KMT2C: variants seen among roughly 807,000 people sequenced by gnomAD.
KMT2C encodes the protein histone-lysine N-methyltransferase 2C.
Under a neutral mutation model 507.9 loss-of-function variants are expected in KMT2C, and 88 were observed. That is an observed-to-expected ratio of 0.17 (90% CI 0.15 to 0.21). The LOEUF is 0.21. Among genes scored for constraint, KMT2C ranks in the 10% least tolerant of loss-of-function variants. KMT2C has a pLI of 1.00. For missense variants in KMT2C, 4,954 were observed against 5,957.8 expected (o/e 0.83, Z 5.55); for synonymous variants, 2,049 against 2,080.8 (o/e 0.98, Z 0.42).
rs2129115053 is a variant in KMT2C, at chr7:152,177,592, C to G, written c.7861G>C (p.Val2621Leu). 1 of 1,614,102 alleles carries G rather than the reference C, an allele frequency of 6.2e-7. No homozygotes were observed. Among genetic ancestry groups the G allele is most frequent in the Middle Eastern group, 1.7e-4 (1 of 6,060 alleles). ...PPQGLPNQLP[V>L]HPDLEQVPPS... ...GGCACTTGTTCCAAATCTGGGTGCA[C>G]AGGTAGCTGATTAGGTAGACCCTGG... The change falls in exon 38 of 59, where the codon GTG becomes CTG. Residue 2621 changes from valine (V) to leucine (L), a missense_variant. Val to Leu is a conservative substitution (Grantham distance 32). Transcript: ENST00000262189.
Position 152,176,406 on chromosome 7 carries a change from T to G in KMT2C, c.9047A>C (p.Gln3016Pro). 6.2e-7 allele frequency: 1 copy of G among 1,614,182 alleles called. No individual in the cohort carries two copies. Among genetic ancestry groups the G allele is most frequent in the Non-Finnish European group, 8.5e-7 (1 of 1,180,024 alleles). Reference sequence around the variant, plus strand: ...GCTACTGGTACCAGACTGACTTGTTTGAGGCCCAGTTTGAGTTGCAGGTTT... The same window carrying G: ...GCTACTGGTACCAGACTGACTTGTTGGAGGCCCAGTTTGAGTTGCAGGTTT... ...TGKPATQTGPQTSQSGTSSMS... is the reference protein window; with the variant it reads ...TGKPATQTGPPTSQSGTSSMS... Residue 3016 changes from glutamine (Q) to proline (P), a missense_variant, in exon 38 of 59, where the codon CAA (glutamine) becomes CCA (proline). Gln to Pro is a moderately conservative substitution (Grantham distance 76). Coordinates refer to ENST00000262189, the MANE Select transcript of KMT2C (RefSeq NM_170606.3).
intron 40 of KMT2C, 130 bp downstream of exon 40, chr7:152,171,134 T>A: frequency 2.0e-6 from 1 of 496,214 alleles, no homozygotes; most frequent in East Asian, 3.5e-5. Context: ...AAATGGCATA[T>A]GGTGAAATCC....
chr7:152,145,057 C>A (rs774184063), intron 54 of KMT2C, 96 bp downstream of exon 54: 297 of 1,478,664 alleles, frequency 2.0e-4, no homozygotes, highest in Non-Finnish European at 2.4e-4. Context: ...CACAGCCAGA[C>A]AGCAGGGTTT....
chr7:152,323,515 C>T (rs2096790345), intron 3 of KMT2C, among the ~76,000 whole-genome samples: 2 of 151,196 alleles, frequency 1.3e-5, no homozygotes, highest in South Asian at 4.2e-4. Flanking sequence ...GAGCACACAA[C>T]TGTAGTCCCA....
intron 1 of KMT2C, among the ~76,000 whole-genome samples, chr7:152,378,143 T>C (rs930556900): frequency 6.6e-6 from 1 of 152,240 alleles, no homozygotes; most frequent in Non-Finnish European, 1.5e-5. Flanking sequence ...AACAAAGGAT[T>C]CAGAATACTA....
chr7:152,305,439 G>T (rs1040249661), intron 6 of KMT2C, among the ~76,000 whole-genome samples: 4 of 152,180 alleles, frequency 2.6e-5, no homozygotes, highest in Non-Finnish European at 5.9e-5. Flanking sequence ...TAAGACCAAT[G>T]AGGTCAGCAT....
intron 2 of KMT2C, among the ~76,000 whole-genome samples, chr7:152,347,751 T>A (rs572935761): frequency 1.3e-5 from 2 of 152,234 alleles, no homozygotes; most frequent in Non-Finnish European, 2.9e-5. Flanking sequence ...TAGTAAACAA[T>A]AAAACAGACA....
At chr7:152,220,255 T>C (rs1166179995) in intron 23 of KMT2C, 5 of 444,230 alleles carry the variant, frequency 1.1e-5, no homozygotes, top group Non-Finnish European at 1.6e-5. Context: ...TCAAGCCCTC[T>C]GTAGTTCCCC....
Position 152,358,593 on chromosome 7 carries a change from C to G in KMT2C, c.244G>C (p.Glu82Gln), listed in dbSNP as rs2097171186. ...LETTETETIVETEIKEQSAEE... is the reference protein window; with the variant it reads ...LETTETETIVQTEIKEQSAEE... ...AATTCTTGAGTTCTGATACCTGTTT[C>G]CACAATCGTTTCTGTTTCTGTTGTC... is the stretch of plus-strand genomic sequence containing the variant. The change falls in exon 2 of 59, where the codon GAA becomes CAA. Residue 82 changes from glutamate (E) to glutamine (Q), a missense_variant. Glu to Gln is a conservative substitution (Grantham distance 29, BLOSUM62 2). Coordinates refer to ENST00000262189, the MANE Select transcript of KMT2C (RefSeq NM_170606.3). The G allele has an allele frequency of 6.2e-7, 1 of 1,602,054 alleles. No individual in the cohort carries two copies.
chr7:152,367,078 G>C lies in KMT2C; in HGVS notation c.162-8403C>G, dbSNP rs906158408. On this transcript the variant is annotated intron_variant, in intron 1 of 58. Transcript: ENST00000262189. Reference sequence around the variant, plus strand: ...TGAAGAAATCTGTAGTCAGAACTCTGTGCTGCATTTTTATCCAGAGAAGGA... The same window carrying C: ...TGAAGAAATCTGTAGTCAGAACTCTCTGCTGCATTTTTATCCAGAGAAGGA... 9.4e-6 allele frequency: 7 copies of C among 744,558 alleles called. No individual in the cohort carries two copies. In the African/African-American group the frequency reaches 1.1e-4, roughly 11 times the overall value. The allele number at this position is 744,558 out of a possible 1,614,324, so 46.1% of individuals were successfully genotyped here. A position where few individuals can be genotyped will look rare whatever the true frequency, so the allele number is the denominator to read the frequency against.
intron 18 of KMT2C, 102 bp from the exon 19 acceptor site, chr7:152,224,718 A>G (rs2094875656): frequency 1.2e-6 from 1 of 845,822 alleles, no homozygotes; most frequent in African/African-American, 1.7e-5. Flanking sequence ...GAAGCAGAAA[A>G]GAGGCAATCA....
At chr7:152,368,167 G>C in intron 1 of KMT2C, 1 of 915,298 alleles carries the variant, frequency 1.1e-6, no homozygotes, top group South Asian at 1.3e-5. Flanking sequence ...GGGTGCTGCT[G>C]AAGTTGAAAA....
chr7:152,327,818 C>G (rs1434806056), intron 3 of KMT2C, among the ~76,000 whole-genome samples: 1 of 151,674 alleles, frequency 6.6e-6, no homozygotes, highest in South Asian at 2.1e-4. Context: ...ATTAGCCGGG[C>G]GTGGTGGCGG....
chr7:152,226,019 G>A (rs1175701864), intron 18 of KMT2C, among the ~76,000 whole-genome samples: 1 of 151,956 alleles, frequency 6.6e-6, no homozygotes, highest in Non-Finnish European at 1.5e-5. Flanking sequence ...GAAGGATGGA[G>A]GTGTATTTTA....
Position 152,146,599 on chromosome 7 carries a change from T to C in KMT2C, c.14031A>G (p.Ser4677=), listed in dbSNP as rs759933314. The C allele has an allele frequency of 1.2e-6, 2 of 1,614,148 alleles. No individual in the cohort carries two copies. The highest frequency in any genetic ancestry group is 2.7e-5 in the African/African-American group (2 of 75,054). ...CTCAAAGCCTGACCAAGACACTCAC[T>C]GATTCCGCTATGCGTGCCACTGCAG... The part of the protein sequence containing the change: ...TVSAVARIAE[S]LPGVEACENY... Residue 4677 remains serine, a splice_region_variant and synonymous_variant, in exon 53 of 59, where the codon TCA becomes TCG. Transcript: ENST00000262189.
rs2095509544 is a variant in KMT2C, at chr7:152,248,308, A to G, written c.2126T>C (p.Leu709Ser). 2 of 1,613,854 alleles carry G rather than the reference A, an allele frequency of 1.2e-6. No individual in the cohort carries two copies. The highest frequency in any genetic ancestry group is 1.7e-6 in the Non-Finnish European group (2 of 1,179,808). Residue 709 changes from leucine to serine, a missense_variant, in exon 14 of 59, where the codon TTA (leucine) becomes TCA (serine). Transcript: ENST00000262189. ...LVSPHEESIS[L>S]CPEEQLVIER... ...TATAACCAACTGTTCCTCAGGACATAATGAAATACTTTCCTCATGTGGGGA... is the reference window on the plus strand; with the variant it reads ...TATAACCAACTGTTCCTCAGGACATGATGAAATACTTTCCTCATGTGGGGA...
intron 6 of KMT2C, among the ~76,000 whole-genome samples, chr7:152,306,014 T>C (rs1186158103): frequency 6.6e-6 from 1 of 152,206 alleles, no homozygotes; most frequent in East Asian, 1.9e-4. Context: ...CTCATACATA[T>C]GCACACATCT....
At chr7:152,367,774 TA>T (rs1444555884) in intron 1 of KMT2C, 2 of 1,003,126 alleles carry the variant, frequency 2.0e-6, no homozygotes, top group Non-Finnish European at 3.2e-6. Context: ...GAGGACTACC[TA>T]AATGCAGAAT....
At chr7:152,299,535 T>G (rs2096547818) in intron 6 of KMT2C, among the ~76,000 whole-genome samples, 1 of 151,590 alleles carries the variant, frequency 6.6e-6, no homozygotes, top group Non-Finnish European at 1.5e-5. Context: ...ACAACTGTGG[T>G]CTCCACTATT....
Sources: allele counts gnomAD v4.1 joint callset (sites outside exome capture counted in the v4.1 genomes callset), GRCh38; gene constraint gnomAD v4.1.1; transcripts MANE v1.5; gene names NCBI Gene and HGNC (gene_info 2026-07-23, HGNC 2026-07-21).